ARMH3: variants seen among roughly 807,000 people sequenced by gnomAD.
ARMH3 encodes the protein armadillo like helical domain containing 3.
ARMH3 carries 60 observed loss-of-function variants against 99.1 expected under a neutral mutation model. The ratio of observed to expected loss-of-function variants is 0.61; its 90% CI spans 0.49 to 0.75. The LOEUF (loss-of-function observed/expected upper bound fraction) is 0.75. ARMH3 is among the 30% of genes least tolerant of loss of function. The pLI is 0.00. For missense variants in ARMH3, 679 were observed against 843.1 expected, an observed-to-expected ratio of 0.81 and a Z score of 2.41; for synonymous variants, 285 against 292.8, an observed-to-expected ratio of 0.97 and a Z score of 0.27.
At chr10:102,042,281 G>A (rs1460427078) in intron 1 of ARMH3, among the ~76,000 whole-genome samples, 1 of 152,216 alleles carries the variant, frequency 6.6e-6, no homozygotes, top group Non-Finnish European at 1.5e-5. Flanking sequence ...GCTTCAACCA[G>A]TTGATTAGCA....
At chr10:101,958,784 A>G (rs1845156732) in intron 20 of ARMH3, among the ~76,000 whole-genome samples, 1 of 152,196 alleles carries the variant, frequency 6.6e-6, no homozygotes, top group South Asian at 2.1e-4. Flanking sequence ...CTACTCTTAA[A>G]GTAGAGATGT....
chr10:102,002,852 T>C (rs1337712931), intron 14 of ARMH3, among the ~76,000 whole-genome samples: 5 of 151,240 alleles, frequency 3.3e-5, no homozygotes, highest in Non-Finnish European at 7.4e-5. Flanking sequence ...TCCCACCTAC[T>C]AGGGAAGCTG....
intron 1 of ARMH3, among the ~76,000 whole-genome samples, chr10:102,055,599 C>CA (rs2067826547): frequency 6.6e-6 from 1 of 152,166 alleles, no homozygotes; most frequent in South Asian, 2.1e-4. Context: ...TAAAGCCTGT[C>CA]AGAGCCTGGA....
intron 2 of ARMH3, among the ~76,000 whole-genome samples, chr10:102,038,914 A>AT (rs903587856): frequency 2.0e-5 from 3 of 151,030 alleles, no homozygotes; most frequent in East Asian, 3.9e-4. Context: ...TAATTTTTGT[A>AT]TTTTTTTTGT....
intron 20 of ARMH3, among the ~76,000 whole-genome samples, chr10:101,959,836 G>A (rs899249195): frequency 2.0e-5 from 3 of 152,186 alleles, no homozygotes; most frequent in Non-Finnish European, 4.4e-5. Flanking sequence ...ATGCAGGTCA[G>A]ATATTCTGCT....
At chr10:102,020,362 T>C (rs901708533) in intron 8 of ARMH3, among the ~76,000 whole-genome samples, 1 of 151,856 alleles carries the variant, frequency 6.6e-6, no homozygotes, top group African/African-American at 2.4e-5. Flanking sequence ...TAAAACCCTG[T>C]CTCTACTAAA....
At chr10:101,903,320 C>A (rs1042710809) in intron 23 of ARMH3, among the ~76,000 whole-genome samples, 2 of 152,148 alleles carry the variant, frequency 1.3e-5, no homozygotes, top group African/African-American at 2.4e-5. Flanking sequence ...CATATGAATA[C>A]CTATCATGTG....
intron 23 of ARMH3, among the ~76,000 whole-genome samples, chr10:101,906,929 GA>G (rs1214324109): frequency 6.6e-6 from 1 of 152,030 alleles, no homozygotes; most frequent in Non-Finnish European, 1.5e-5. Flanking sequence ...TCTATTCTAG[GA>G]AAAAAACAGT....
At chr10:102,031,829 T>G (rs2067138424) in intron 4 of ARMH3, among the ~76,000 whole-genome samples, 1 of 152,180 alleles carries the variant, frequency 6.6e-6, no homozygotes, top group South Asian at 2.1e-4. Context: ...AAGCTCCGTC[T>G]CCCAGTTCAC....
At chr10:102,050,417 C>T (rs1021255183) in intron 1 of ARMH3, among the ~76,000 whole-genome samples, 1 of 151,944 alleles carries the variant, frequency 6.6e-6, no homozygotes, top group African/African-American at 2.4e-5. Flanking sequence ...CACTGCACTC[C>T]AGCCCCAGCC....
rs180715838 is a variant in ARMH3, at chr10:101,975,377, C to A, written c.1407-77G>T. On this transcript the variant is annotated intron_variant, in intron 19 of 25. Transcript: ENST00000370033. ...TCACCAGAGATCCCTTCTTAGTGAGCCAGCTTTGCTAAGGCCACTAAAGAC... is the reference window on the plus strand; with the variant it reads ...TCACCAGAGATCCCTTCTTAGTGAGACAGCTTTGCTAAGGCCACTAAAGAC... 5 of 1,163,968 alleles carry A rather than the reference C, an allele frequency of 4.3e-6. No individual in the cohort carries two copies. The East Asian group carries it at 9.8e-5, about 23-fold the overall frequency. 72.1% of individuals were successfully genotyped at this position (1,163,968 alleles called of 1,614,324 possible). A position where few individuals can be genotyped will look rare whatever the true frequency, so the allele number is the denominator to read the frequency against.
chr10:102,039,818 A>G (rs2067365890), intron 2 of ARMH3, among the ~76,000 whole-genome samples, 195 bp downstream of exon 2: 1 of 152,236 alleles, frequency 6.6e-6, no homozygotes, highest in African/African-American at 2.4e-5. Flanking sequence ...CAACACAATA[A>G]CAACCTATAT....
At chr10:101,951,470 G>A (rs1459426793) in intron 22 of ARMH3, among the ~76,000 whole-genome samples, 106 of 152,306 alleles carry the variant, frequency 7.0e-4, no homozygotes, top group Non-Finnish European at 2.8e-4. Context: ...CTACTCAGGA[G>A]GCCAAGGTGG....
intron 24 of ARMH3, among the ~76,000 whole-genome samples, chr10:101,874,189 T>C (rs1319450735): frequency 1.3e-5 from 2 of 152,160 alleles, no homozygotes; most frequent in Non-Finnish European, 2.9e-5. Context: ...AGAACATTTT[T>C]TGGGTGATGG....
rs148630843 is a variant in ARMH3, at chr10:101,850,078, T to TTC, written c.1861-188_1861-187dup. On this transcript the variant is annotated intron_variant, in intron 24 of 25. Coordinates refer to ENST00000370033, the MANE Select transcript of ARMH3 (RefSeq NM_024541.3). ...GATGCCTCAGGTTTCTGGGACCACT[T>TTC]TCTCTCTCTCTCTTTTTTTTTTTTT... Among the ~76,000 whole-genome samples, 710 of 146,718 alleles carry TTC rather than the reference T, an allele frequency of 4.8e-3. 12 individuals carry two copies. The highest frequency in any genetic ancestry group is 7.1e-3 in the Middle Eastern group (2 of 280).
intron 23 of ARMH3, among the ~76,000 whole-genome samples, chr10:101,901,870 G>A (rs1454020267): frequency 6.6e-6 from 1 of 152,242 alleles, no homozygotes; most frequent in Admixed American, 6.5e-5. Flanking sequence ...CCTAAGTGAA[G>A]TTGATAGTCT....
intron 15 of ARMH3, among the ~76,000 whole-genome samples, chr10:101,998,171 C>T (rs895047484): frequency 2.0e-5 from 3 of 152,146 alleles, no homozygotes; most frequent in African/African-American, 7.2e-5. Context: ...TTCCAAGGGC[C>T]TCAGTTCACT....
rs1443362488 is a variant in ARMH3, at chr10:102,056,166, G to C, written c.-93C>G. Reference sequence around the variant, plus strand: ...ACGCCACCGACGCTGCCGCTGCTCCGGGCTCACGGGCGCGCTCCCGACCTC... The same window carrying C: ...ACGCCACCGACGCTGCCGCTGCTCCCGGCTCACGGGCGCGCTCCCGACCTC... On this transcript the variant is annotated 5_prime_UTR_variant, in exon 1 of 26. Coordinates refer to ENST00000370033, the MANE Select transcript of ARMH3 (RefSeq NM_024541.3). 6.6e-6 allele frequency: 1 copy of C among 152,164 alleles called. No individual in the cohort carries two copies. The highest frequency in any genetic ancestry group is 1.5e-5 in the Non-Finnish European group (1 of 68,068). 9.4% of individuals were successfully genotyped at this position (152,164 alleles called of 1,614,324 possible). A position where few individuals can be genotyped will look rare whatever the true frequency, so the allele number is the denominator to read the frequency against.
In ARMH3 at chr10:101,923,750, C is replaced by A. The variant is rs73342871; in HGVS notation, c.1781+16113G>T. Among the ~76,000 whole-genome samples, 241 of 152,264 alleles carry A rather than the reference C, an allele frequency of 1.6e-3. 1 individual carries two copies. Among genetic ancestry groups the A allele is most frequent in the African/African-American group, 5.7e-3 (237 of 41,536 alleles). ...TTTTCAAATTATCCAAATGGTGAAT[C>A]CCTCTGTTGCGGTTTTGGGAGAGTA... On this transcript the variant is annotated intron_variant, in intron 23 of 25. Coordinates refer to ENST00000370033, the MANE Select transcript of ARMH3 (RefSeq NM_024541.3).
Sources: gnomAD v4.1 joint callset for allele counts (sites outside exome capture counted in the v4.1 genomes callset) on GRCh38, gnomAD v4.1.1 for gene constraint, MANE v1.5 for transcripts, NCBI Gene and HGNC (gene_info 2026-07-23, HGNC 2026-07-21) for gene names.